The following GPR107 variants were observed in gnomAD, a reference collection of about 807,000 sequenced individuals.
GPR107 encodes the protein G protein-coupled receptor 107.
In GPR107, 31 loss-of-function variants were observed where a neutral mutation model predicts 75.5. The ratio of observed to expected loss-of-function variants is 0.41; its 90% CI spans 0.31 to 0.55. The LOEUF is 0.55. Ranked by LOEUF, GPR107 falls within the 20% of genes least tolerant of loss-of-function variation. The pLI, the probability that GPR107 is intolerant of heterozygous loss-of-function variation, is 0.26. For synonymous variants in GPR107, 267 were observed against 251.3 expected (o/e 1.06, Z -0.59); for missense variants, 572 against 665.7 (o/e 0.86, Z 1.55).
chr9:130,125,399 G>C (rs371150252), intron 15 of GPR107, among the ~76,000 whole-genome samples: 1 of 123,860 alleles, frequency 8.1e-6, no homozygotes, highest in Non-Finnish European at 1.8e-5. Flanking sequence ...TTGCTTTTTT[G>C]CTTTTTTTTT....
At chr9:130,097,920 C>T (rs769959624) in intron 9 of GPR107, among the ~76,000 whole-genome samples, 3 of 151,868 alleles carry the variant, frequency 2.0e-5, no homozygotes, top group Non-Finnish European at 4.4e-5. Flanking sequence ...CTCGCTCTGT[C>T]ACCCAGTCTG....
Position 130,135,343 on chromosome 9 carries a change from A to G in GPR107, c.*222A>G. The G allele has an allele frequency of 2.1e-6, 1 of 469,416 alleles. No individual in the cohort carries two copies. The highest frequency in any genetic ancestry group is 3.7e-6 in the Non-Finnish European group (1 of 266,790). 29.1% of individuals were successfully genotyped at this position (469,416 alleles called of 1,614,324 possible). A position where few individuals can be genotyped will look rare whatever the true frequency, so the allele number is the denominator to read the frequency against. On this transcript the variant is annotated 3_prime_UTR_variant, in exon 18 of 18. Coordinates refer to ENST00000347136, the MANE Select transcript of GPR107 (RefSeq NM_020960.5). ...GCAGCTGGATCCTCTTTCAGGCGGG[A>G]ATGGGAGGGCGGGCACAGGGAGGAG...
intron 17 of GPR107, among the ~76,000 whole-genome samples, chr9:130,132,716 A>G (rs573285631): frequency 5.7e-4 from 87 of 152,060 alleles, no homozygotes; most frequent in African/African-American, 2.1e-3. Context: ...AACCCAGGAG[A>G]CGGAGGTTGC....
In GPR107 at chr9:130,056,779, G is replaced by A. The variant is rs141337767; in HGVS notation, c.141+2706G>A. Among the ~76,000 whole-genome samples, 774 of 151,722 alleles carry A rather than the reference G, an allele frequency of 5.1e-3. 8 individuals carry two copies. The highest frequency in any genetic ancestry group is 0.018 in the African/African-American group (738 of 41,366). On this transcript the variant is annotated intron_variant, in intron 1 of 17. Coordinates refer to ENST00000347136, the MANE Select transcript of GPR107 (RefSeq NM_020960.5). ...TCTCTACTAAAAATACAAAAAATTA[G>A]CCAGGCGTGGTGGCAGGTGCCGGTG... is the stretch of plus-strand genomic sequence containing the variant.
chr9:130,069,053 T>C (rs1830135616), intron 1 of GPR107, among the ~76,000 whole-genome samples: 1 of 152,148 alleles, frequency 6.6e-6, no homozygotes, highest in Non-Finnish European at 1.5e-5. Flanking sequence ...GGATATACTT[T>C]TTATTTGGTT....
chr9:130,130,579 A>C (rs1554898871), intron 17 of GPR107, among the ~76,000 whole-genome samples: 1 of 152,164 alleles, frequency 6.6e-6, no homozygotes, highest in Admixed American at 6.5e-5. Context: ...AGTTATAGAA[A>C]TGGATATATC....
intron 14 of GPR107, among the ~76,000 whole-genome samples, chr9:130,113,105 G>A (rs959195690): frequency 6.6e-6 from 1 of 152,120 alleles, no homozygotes; most frequent in Admixed American, 6.6e-5. Context: ...TGGGTTTGTG[G>A]TGGACATTTT....
At chr9:130,061,166 G>A (rs10988582) in intron 1 of GPR107, among the ~76,000 whole-genome samples, 3 of 152,192 alleles carry the variant, frequency 2.0e-5, no homozygotes, top group Non-Finnish European at 4.4e-5. Context: ...CACAGGCTGA[G>A]GCAGTGAGCG....
At chr9:130,096,933 C>T (rs903521308) in intron 9 of GPR107, among the ~76,000 whole-genome samples, 1 of 152,132 alleles carries the variant, frequency 6.6e-6, no homozygotes, top group Non-Finnish European at 1.5e-5. Context: ...TTTTTACCTA[C>T]TCCACAGCAT....
chr9:130,129,164 C>T (rs1285762783), intron 17 of GPR107: 1 of 170,386 alleles, frequency 5.9e-6, no homozygotes, highest in Non-Finnish European at 1.3e-5. Context: ...TAATGATCCT[C>T]AGACATCCTC....
chr9:130,090,311 G>A (rs1830703533), intron 7 of GPR107, among the ~76,000 whole-genome samples: 1 of 152,150 alleles, frequency 6.6e-6, no homozygotes, highest in Non-Finnish European at 1.5e-5. Context: ...AGAAAATGTA[G>A]CCTTTATTAT....
At chr9:130,057,501 TAAA>T (rs5900883) in intron 1 of GPR107, among the ~76,000 whole-genome samples, 8 of 134,910 alleles carry the variant, frequency 5.9e-5, no homozygotes, top group African/African-American at 8.3e-5. Context: ...CCCTATTTCT[TAAA>T]AAAAAAAAAA....
chr9:130,056,611 A>G (rs1018719771), intron 1 of GPR107, among the ~76,000 whole-genome samples: 5 of 152,002 alleles, frequency 3.3e-5, no homozygotes, highest in African/African-American at 1.2e-4. Context: ...TTGCAAAAAA[A>G]TCTCATAATG....
intron 17 of GPR107, among the ~76,000 whole-genome samples, chr9:130,132,546 G>C (rs1684684103): frequency 6.6e-6 from 1 of 152,200 alleles, no homozygotes; most frequent in African/African-American, 2.4e-5. Context: ...CAGCACTTTG[G>C]GAGGCCGAGG....
chr9:130,071,053 T>TTTG (rs1830196406), intron 1 of GPR107, among the ~76,000 whole-genome samples: 2 of 147,044 alleles, frequency 1.4e-5, no homozygotes, highest in Non-Finnish European at 3.0e-5. Context: ...TTTTTTTTTT[T>TTTG]GAGACAGAGT....
chr9:130,110,324 G>T, intron 14 of GPR107: 1 of 1,210,162 alleles, frequency 8.3e-7, no homozygotes, highest in Non-Finnish European at 1.2e-6. Flanking sequence ...GAACGCTTTT[G>T]TCATGGCCTG....
chr9:130,099,079 A>G (rs1830949315), intron 9 of GPR107, among the ~76,000 whole-genome samples: 1 of 152,160 alleles, frequency 6.6e-6, no homozygotes, highest in African/African-American at 2.4e-5. Context: ...TGAGAGGCCG[A>G]AGTGGGTGGA....
At chr9:130,128,437 G>A (rs935282239) in intron 16 of GPR107, among the ~76,000 whole-genome samples, 9 of 152,164 alleles carry the variant, frequency 5.9e-5, no homozygotes, top group Non-Finnish European at 8.8e-5. Context: ...GCACAGCCTC[G>A]GAAATGTCAG....
At chr9:130,122,395 C>A (rs1227319390) in intron 14 of GPR107, among the ~76,000 whole-genome samples, 1 of 152,122 alleles carries the variant, frequency 6.6e-6, no homozygotes, top group Non-Finnish European at 1.5e-5. Flanking sequence ...GGTTTGCATC[C>A]AGAGAGGAAC....
Sources: gnomAD v4.1 joint callset for allele counts (sites outside exome capture counted in the v4.1 genomes callset) on GRCh38, gnomAD v4.1.1 for gene constraint, MANE v1.5 for transcripts, NCBI Gene and HGNC (gene_info 2026-07-23, HGNC 2026-07-21) for gene names.